PTPRD: variants seen among roughly 807,000 people sequenced by gnomAD.
PTPRD encodes the protein protein tyrosine phosphatase receptor type D.
A neutral mutation model predicts 214.5 loss-of-function variants in PTPRD; 34 were observed. The ratio of observed to expected loss-of-function variants is 0.16; its 90% CI spans 0.12 to 0.21. The LOEUF (loss-of-function observed/expected upper bound fraction) is 0.21. PTPRD is among the 10% of genes least tolerant of loss of function. PTPRD has a pLI of 1.00. For synonymous variants in PTPRD, 1,128 were observed against 845.7 expected, an observed-to-expected ratio of 1.33 and a Z score of -5.79; for missense variants, 2,545 against 2,398.7, an observed-to-expected ratio of 1.06 and a Z score of -1.27.
intron 43 of PTPRD, among the ~76,000 whole-genome samples, chr9:8,332,104 CATATAAAAT>C (rs1842003274): frequency 9.2e-6 from 1 of 108,626 alleles, no homozygotes; most frequent in African/African-American, 5.9e-5. Flanking sequence ...CAAAATGGAA[CATATAAAAT>C]GGAACATATA....
intron 7 of PTPRD, among the ~76,000 whole-genome samples, chr9:9,712,431 T>G (rs1191911449): frequency 6.6e-6 from 1 of 152,188 alleles, no homozygotes; most frequent in Admixed American, 6.6e-5. Flanking sequence ...CTCCAGTTCA[T>G]TAATATTTTT....
intron 3 of PTPRD, among the ~76,000 whole-genome samples, chr9:10,115,399 A>G (rs889665463): frequency 6.6e-6 from 1 of 152,092 alleles, no homozygotes; most frequent in African/African-American, 2.4e-5. Context: ...GTAGTCTATA[A>G]AATTATGTTG....
chr9:9,986,817 G>C (rs957442930), intron 4 of PTPRD, among the ~76,000 whole-genome samples: 1 of 152,072 alleles, frequency 6.6e-6, no homozygotes, highest in Admixed American at 6.5e-5. Context: ...AGATGAACAA[G>C]TTCTGAGATC....
intron 3 of PTPRD, among the ~76,000 whole-genome samples, chr9:10,080,816 T>G (rs974654909): frequency 6.6e-6 from 1 of 152,126 alleles, no homozygotes; most frequent in South Asian, 2.1e-4. Context: ...ATTTTGAAAA[T>G]TAAATTTCTG....
At chr9:9,537,967 G>A (rs986750506) in intron 8 of PTPRD, among the ~76,000 whole-genome samples, 3 of 151,106 alleles carry the variant, frequency 2.0e-5, no homozygotes, top group African/African-American at 7.3e-5. Flanking sequence ...TTCGTTCTGT[G>A]TTACTATGCA....
At chr9:9,462,173 A>C (rs1451926689) in intron 8 of PTPRD, among the ~76,000 whole-genome samples, 3 of 152,118 alleles carry the variant, frequency 2.0e-5, no homozygotes, top group African/African-American at 7.2e-5. Flanking sequence ...TAGACTTTCA[A>C]TATCGGGAAT....
chr9:8,917,541 G>A (rs535386069), intron 11 of PTPRD, among the ~76,000 whole-genome samples: 5 of 152,086 alleles, frequency 3.3e-5, no homozygotes, highest in Admixed American at 6.6e-5. Flanking sequence ...CTCAGAGCAC[G>A]GTTTGTCTAC....
intron 12 of PTPRD, among the ~76,000 whole-genome samples, chr9:8,663,528 T>C (rs1017498368): frequency 6.6e-6 from 1 of 152,142 alleles, no homozygotes; most frequent in African/African-American, 2.4e-5. Flanking sequence ...TCTCACTCTG[T>C]TGCCCAGGCT....
intron 2 of PTPRD, among the ~76,000 whole-genome samples, chr9:10,374,621 T>G (rs1045774471): frequency 2.0e-5 from 3 of 152,062 alleles, no homozygotes; most frequent in Admixed American, 2.0e-4. Context: ...CTACGTTTAG[T>G]GTCCTCTCCC....
intron 3 of PTPRD, among the ~76,000 whole-genome samples, chr9:10,276,242 T>G (rs1424763037): frequency 6.6e-6 from 1 of 152,248 alleles, no homozygotes; most frequent in Non-Finnish European, 1.5e-5. Context: ...TTTGCATATT[T>G]AGTTTTATTT....
At position 9,936,504 on chromosome 9, in the gene PTPRD, G is replaced by A. The variant is rs1053803948; in HGVS notation, c.-368+2003C>T. Among the ~76,000 whole-genome samples the A allele has an allele frequency of 2.6e-3, 381 of 149,170 alleles. 2 individuals are homozygous for A. Among genetic ancestry groups the A allele is most frequent in the Admixed American group, 5.3e-3 (80 of 15,040 alleles). ...CACCATCACTGGCCATCAGAGAAATGCAAATCAAAACCACAATGAGATACA... is the reference window on the plus strand; with the variant it reads ...CACCATCACTGGCCATCAGAGAAATACAAATCAAAACCACAATGAGATACA... On this transcript the variant is annotated intron_variant, in intron 5 of 45. Coordinates refer to ENST00000381196, the MANE Select transcript of PTPRD (RefSeq NM_002839.4).
chr9:10,317,401 T>A (rs2096462333), intron 3 of PTPRD, among the ~76,000 whole-genome samples: 1 of 151,998 alleles, frequency 6.6e-6, no homozygotes, highest in African/African-American at 2.4e-5. Context: ...ATTAGCACAT[T>A]TAGGTAAAAT....
intron 11 of PTPRD, among the ~76,000 whole-genome samples, chr9:8,828,040 T>C (rs538800072): frequency 6.6e-6 from 1 of 152,310 alleles, no homozygotes; most frequent in East Asian, 1.9e-4. Flanking sequence ...ATGTATATTA[T>C]TTTAAAAAGG....
chr9:9,408,107 G>A (rs1184053585), intron 8 of PTPRD, among the ~76,000 whole-genome samples: 2 of 151,748 alleles, frequency 1.3e-5, no homozygotes, highest in Non-Finnish European at 3.0e-5. Context: ...ATTGGCAGTA[G>A]AGAGAAAAAA....
chr9:9,280,908 G>A (rs1947454686), intron 9 of PTPRD, among the ~76,000 whole-genome samples: 1 of 151,020 alleles, frequency 6.6e-6, no homozygotes, highest in African/African-American at 2.4e-5. Flanking sequence ...TGTAGCTATT[G>A]GCAAAATGAC....
Position 10,244,666 on chromosome 9 carries a change from G to A in PTPRD, c.-545+96297C>T, listed in dbSNP as rs188429079. On this transcript the variant is annotated intron_variant, in intron 3 of 45. Coordinates refer to ENST00000381196, the MANE Select transcript of PTPRD (RefSeq NM_002839.4). ...ATTTCATACCAGTTCAAATCTCATA[G>A]AGCCCCTCTTGAAAATATAATGGCC... Among the ~76,000 whole-genome samples, 1,215 of 152,190 alleles carry A rather than the reference G, an allele frequency of 8.0e-3. 9 individuals are homozygous for A. Among genetic ancestry groups the A allele is most frequent in the Middle Eastern group, 0.014 (4 of 294 alleles).
chr9:9,274,634 C>G (rs1421272167), intron 9 of PTPRD, among the ~76,000 whole-genome samples: 4 of 151,074 alleles, frequency 2.6e-5, no homozygotes, highest in Non-Finnish European at 4.4e-5. Flanking sequence ...ACCCTCTGGC[C>G]CTAAATTGAA....
At chr9:8,404,786 T>A (rs2092799819) in intron 35 of PTPRD, 126 bp from the exon 36 acceptor site, 1 of 1,204,054 alleles carries the variant, frequency 8.3e-7, no homozygotes, top group Non-Finnish European at 1.1e-6. Context: ...ATCAAGATGA[T>A]CCTAACTGTG....
intron 35 of PTPRD, among the ~76,000 whole-genome samples, chr9:8,411,551 G>C (rs1345097272): frequency 6.6e-6 from 1 of 152,120 alleles, no homozygotes; most frequent in Non-Finnish European, 1.5e-5. Context: ...TGATCCACCT[G>C]CCTTGGCTTC....
Sources: allele counts gnomAD v4.1 joint callset (sites outside exome capture counted in the v4.1 genomes callset), GRCh38; gene constraint gnomAD v4.1.1; transcripts MANE v1.5; gene names NCBI Gene and HGNC (gene_info 2026-07-23, HGNC 2026-07-21).